EVA1C: variants seen among roughly 807,000 people sequenced by gnomAD.
The protein encoded by EVA1C is eva-1 homolog C.
EVA1C carries 25 observed loss-of-function variants against 45.4 expected under a neutral mutation model. The observed-to-expected ratio is 0.55, with a 90% confidence interval of 0.40 to 0.77. The LOEUF (loss-of-function observed/expected upper bound fraction) is 0.77, where lower values mean the gene tolerates loss of function less well. Among genes scored for constraint, EVA1C ranks in the 30% least tolerant of loss-of-function variants. EVA1C has a pLI of 0.00. For synonymous variants in EVA1C, 190 were observed against 221.2 expected (o/e 0.86, Z 1.25); for missense variants, 479 against 554.8 (o/e 0.86, Z 1.37).
rs537623947 is a variant in EVA1C, at chr21:32,449,869, C to G, written c.161-3443C>G. Among the ~76,000 whole-genome samples the G allele has an allele frequency of 9.2e-5, 14 of 152,140 alleles. No homozygotes were observed. In the East Asian group the frequency reaches 2.7e-3, roughly 29 times the overall value. On this transcript the variant is annotated intron_variant, in intron 1 of 7. Transcript: ENST00000300255. ...AACCCCTGACCTCAGGTGATCTGCC[C>G]GCCTCAGCCTCCCAAACTGTTGGGA... is the stretch of plus-strand genomic sequence containing the variant.
chr21:32,469,456 C>T (rs1482356579), intron 4 of EVA1C, among the ~76,000 whole-genome samples: 1 of 152,140 alleles, frequency 6.6e-6, no homozygotes, highest in Non-Finnish European at 1.5e-5. Context: ...GCTGGGTATT[C>T]AGTGCTAAGA....
Position 32,495,036 on chromosome 21 carries a change from C to T in EVA1C, c.644C>T (p.Ser215Phe), listed in dbSNP as rs770419820. ...AERLPPFDCLSYSALQVLSRR... is the reference protein window; with the variant it reads ...AERLPPFDCLFYSALQVLSRR... ...GTTTCCTGCCTTTCAGATTGCTTGT[C>T]TTACTCAGCTTTGCAAGTCCTATCC... The change falls in exon 5 of 8, where the codon TCT (serine) becomes TTT (phenylalanine). Residue 215 changes from serine (S) to phenylalanine (F), a missense_variant. This residue lies in a region of EVA1C where 366 missense variants were observed against 426.1 expected (regional missense o/e 0.86). Coordinates refer to ENST00000300255, the MANE Select transcript of EVA1C (RefSeq NM_058187.5). 35 of 1,613,946 alleles carry T rather than the reference C, an allele frequency of 2.2e-5. No individual in the cohort carries two copies. Among genetic ancestry groups the T allele is most frequent in the Non-Finnish European group, 2.8e-5 (33 of 1,180,002 alleles).
At chr21:32,505,951 GGAGTT>G (rs1029815988) in intron 7 of EVA1C, among the ~76,000 whole-genome samples, 1 of 152,042 alleles carries the variant, frequency 6.6e-6, no homozygotes, top group Non-Finnish European at 1.5e-5. Context: ...GGTGGTCAGA[GGAGTT>G]GAGCCATTTG....
chr21:32,434,569 C>T (rs1043583175), intron 1 of EVA1C, among the ~76,000 whole-genome samples: 6 of 151,022 alleles, frequency 4.0e-5, no homozygotes, highest in Admixed American at 1.3e-4. Context: ...CCAGCCTGGG[C>T]GACAGAGCGA....
intron 6 of EVA1C, 44 bp from the exon 7 acceptor site, chr21:32,503,882 A>C: frequency 5.1e-6 from 7 of 1,376,798 alleles, no homozygotes; most frequent in Non-Finnish European, 7.2e-6. Flanking sequence ...TAGGCGTACT[A>C]TGAACAGCTG....
chr21:32,462,221 TAAA>T (rs769281297), intron 3 of EVA1C, among the ~76,000 whole-genome samples: 1 of 106,336 alleles, frequency 9.4e-6, no homozygotes, highest in Non-Finnish European at 1.9e-5. Context: ...CCCCTATCTC[TAAA>T]AAAAAAAAAA....
intron 3 of EVA1C, among the ~76,000 whole-genome samples, chr21:32,458,247 C>G (rs1332705934): frequency 6.6e-6 from 1 of 152,128 alleles, no homozygotes; most frequent in African/African-American, 2.4e-5. Context: ...ATGGCTGGAG[C>G]CATCTCTTTT....
chr21:32,453,036 G>A (rs1394101940), intron 1 of EVA1C: 2 of 377,056 alleles, frequency 5.3e-6, no homozygotes, highest in African/African-American at 4.0e-5. Context: ...ATGGGCACAA[G>A]CCCATGGGTG....
At chr21:32,444,080 AC>A (rs1743051737) in intron 1 of EVA1C, among the ~76,000 whole-genome samples, 1 of 121,134 alleles carries the variant, frequency 8.3e-6, no homozygotes, top group East Asian at 2.0e-4. Flanking sequence ...ACACACACAC[AC>A]ACACACACAC....
rs563372834 is a variant in EVA1C, at chr21:32,495,242, G to A, written c.778+72G>A. 2.2e-5 allele frequency: 34 copies of A among 1,545,058 alleles called. 1 individual carries two copies. In the South Asian group the frequency reaches 2.9e-4, roughly 13 times the overall value. ...GGGGGAGGGTGGTGACCATGTGAAC[G>A]GCAGGAGTTTGCCCAGAACAAGCCA... On this transcript the variant is annotated intron_variant, in intron 5 of 7. Coordinates refer to ENST00000300255, the MANE Select transcript of EVA1C (RefSeq NM_058187.5).
intron 1 of EVA1C, among the ~76,000 whole-genome samples, chr21:32,413,807 T>G (rs1211746211): frequency 1.3e-5 from 2 of 152,210 alleles, no homozygotes; most frequent in Non-Finnish European, 2.9e-5. Flanking sequence ...CACATGTCCT[T>G]GCCGCTGAAG....
chr21:32,473,838 A>T lies in EVA1C; in HGVS notation c.634+5990A>T, dbSNP rs567128331. 27 of 842,622 alleles carry T rather than the reference A, an allele frequency of 3.2e-5. No homozygotes were observed. In the South Asian group the frequency reaches 1.3e-3, roughly 41 times the overall value. 52.2% of individuals were successfully genotyped at this position (842,622 alleles called of 1,614,324 possible). A position where few individuals can be genotyped will look rare whatever the true frequency, so the allele number is the denominator to read the frequency against. Reference sequence around the variant, plus strand: ...TAGCACTGTCCTGAACGGTGAGGTCAGAGCTGAACCTTCCATGTGAGGCTG... The same window carrying T: ...TAGCACTGTCCTGAACGGTGAGGTCTGAGCTGAACCTTCCATGTGAGGCTG... On this transcript the variant is annotated intron_variant, in intron 4 of 7. Transcript: ENST00000300255.
At chr21:32,423,515 G>A (rs753986577) in intron 1 of EVA1C, among the ~76,000 whole-genome samples, 12 of 152,046 alleles carry the variant, frequency 7.9e-5, no homozygotes, top group Non-Finnish European at 1.6e-4. Context: ...ATGAGCAATC[G>A]ATTTGGCAGG....
At chr21:32,457,490 TG>T in intron 2 of EVA1C, 106 bp from the exon 3 acceptor site, 1 of 1,326,856 alleles carries the variant, frequency 7.5e-7, no homozygotes, top group Non-Finnish European at 1.1e-6. Flanking sequence ...CTTGGCCAGG[TG>T]GGGAGGCGTC....
At chr21:32,476,493 T>A (rs1232326418) in intron 4 of EVA1C, among the ~76,000 whole-genome samples, 1 of 151,882 alleles carries the variant, frequency 6.6e-6, no homozygotes, top group Non-Finnish European at 1.5e-5. Flanking sequence ...AATACAAAAT[T>A]AACCACATGT....
At chr21:32,444,191 ACAAT>A (rs1484056565) in intron 1 of EVA1C, among the ~76,000 whole-genome samples, 2 of 152,206 alleles carry the variant, frequency 1.3e-5, no homozygotes, top group Non-Finnish European at 2.9e-5. Flanking sequence ...CAACAAGCAA[ACAAT>A]CAATTCTGCA....
chr21:32,514,060 G>T (rs993929687), intron 7 of EVA1C, among the ~76,000 whole-genome samples: 1 of 152,098 alleles, frequency 6.6e-6, no homozygotes, highest in African/African-American at 2.4e-5. Flanking sequence ...AAGTAATCTA[G>T]AAGTGATTTA....
At chr21:32,440,108 T>G (rs1473151023) in intron 1 of EVA1C, among the ~76,000 whole-genome samples, 2 of 152,124 alleles carry the variant, frequency 1.3e-5, no homozygotes, top group Non-Finnish European at 2.9e-5. Flanking sequence ...TCCGATTGGT[T>G]AGCGACCCTG....
At chr21:32,438,454 T>G (rs547021828) in intron 1 of EVA1C, among the ~76,000 whole-genome samples, 1 of 116,006 alleles carries the variant, frequency 8.6e-6, no homozygotes, top group Non-Finnish European at 1.6e-5. Flanking sequence ...GCCACTGCAC[T>G]CCAGCCTGGG....
Sources: gnomAD v4.1 joint callset for allele counts (sites outside exome capture counted in the v4.1 genomes callset) on GRCh38, gnomAD v4.1.1 for gene constraint, gnomAD v4.1.1 regional missense constraint, MANE v1.5 for transcripts, NCBI Gene and HGNC (gene_info 2026-07-23, HGNC 2026-07-21) for gene names.